Variants in MAD1L1 observed in about 807,000 individuals in gnomAD.
The protein encoded by MAD1L1 is mitotic spindle assembly checkpoint protein MAD1.
A neutral mutation model predicts 96.9 loss-of-function variants in MAD1L1; 95 were observed. The ratio of observed to expected loss-of-function variants is 0.98; its 90% CI spans 0.83 to 1.16. The LOEUF is 1.16. MAD1L1 is among the 50% of genes most tolerant of loss of function. MAD1L1 has a pLI of 0.00. For missense variants in MAD1L1, 1,007 were observed against 954.4 expected (o/e 1.06, Z -0.73); for synonymous variants, 473 against 396.6 (o/e 1.19, Z -2.29).
At chr7:2,161,958 C>G (rs558035112) in intron 10 of MAD1L1, among the ~76,000 whole-genome samples, 4 of 142,958 alleles carry the variant, frequency 2.8e-5, no homozygotes, top group Non-Finnish European at 4.7e-5. Flanking sequence ...CGGCCAGCCA[C>G]CCCGTCCGGG....
At chr7:1,893,047 TCCCCGC>T (rs1786646101) in intron 18 of MAD1L1, among the ~76,000 whole-genome samples, 1 of 152,116 alleles carries the variant, frequency 6.6e-6, no homozygotes, top group Non-Finnish European at 1.5e-5. Flanking sequence ...GAGCTGAGCC[TCCCCGC>T]TCCAGGCCCA....
intron 15 of MAD1L1, among the ~76,000 whole-genome samples, chr7:1,958,485 T>G (rs1583916574): frequency 6.6e-6 from 1 of 152,168 alleles, no homozygotes; most frequent in African/African-American, 2.4e-5. Context: ...GGACAGCTAT[T>G]CCAGCCTGAG....
chr7:2,166,576 G>A (rs1458190092), intron 10 of MAD1L1, among the ~76,000 whole-genome samples: 2 of 152,192 alleles, frequency 1.3e-5, no homozygotes, highest in African/African-American at 2.4e-5. Flanking sequence ...TGCTTTAAAC[G>A]TTCAAAAAGA....
intron 10 of MAD1L1, among the ~76,000 whole-genome samples, chr7:2,180,603 G>C (rs1791156740): frequency 6.6e-6 from 1 of 152,130 alleles, no homozygotes; most frequent in East Asian, 1.9e-4. Flanking sequence ...TGTTTCTGTA[G>C]CATCTGAAAC....
chr7:1,965,976 G>A (rs374280869), intron 15 of MAD1L1, among the ~76,000 whole-genome samples: 1 of 152,230 alleles, frequency 6.6e-6, no homozygotes, highest in East Asian at 1.9e-4. Flanking sequence ...CCCTGGGTCG[G>A]CCCATGCCTG....
intron 18 of MAD1L1, among the ~76,000 whole-genome samples, chr7:1,861,889 G>A (rs1784550202): frequency 6.7e-6 from 1 of 149,410 alleles, no homozygotes. Context: ...CTGGTTGGAG[G>A]GACACTGCTC....
intron 18 of MAD1L1, among the ~76,000 whole-genome samples, chr7:1,867,900 G>T (rs1266722325): frequency 6.6e-6 from 1 of 152,228 alleles, no homozygotes; most frequent in Non-Finnish European, 1.5e-5. Flanking sequence ...CCAGATGAGA[G>T]CCACATAATT....
intron 11 of MAD1L1, among the ~76,000 whole-genome samples, chr7:2,081,395 C>T (rs868122828): frequency 6.6e-6 from 1 of 152,234 alleles, no homozygotes; most frequent in Non-Finnish European, 1.5e-5. Flanking sequence ...ATCAGTCCCA[C>T]TCCACCAACA....
chr7:1,970,325 T>A (rs1562571227), intron 15 of MAD1L1, among the ~76,000 whole-genome samples: 1 of 150,194 alleles, frequency 6.7e-6, no homozygotes, highest in East Asian at 1.9e-4. Context: ...ATAATTTTAA[T>A]TTTTACTTTT....
intron 17 of MAD1L1, among the ~76,000 whole-genome samples, chr7:1,907,344 G>A (rs529094894): frequency 2.4e-4 from 36 of 152,376 alleles, no homozygotes; most frequent in African/African-American, 7.5e-4. Flanking sequence ...AGGGACTGGA[G>A]GCAGCTTCGG....
At chr7:2,130,440 G>A (rs1434663827) in intron 11 of MAD1L1, among the ~76,000 whole-genome samples, 1 of 152,206 alleles carries the variant, frequency 6.6e-6, no homozygotes, top group East Asian at 1.9e-4. Flanking sequence ...CAATTGAGAG[G>A]CCAGAGCTTA....
intron 10 of MAD1L1, among the ~76,000 whole-genome samples, chr7:2,199,626 C>T (rs188534872): frequency 8.5e-5 from 13 of 152,372 alleles, no homozygotes; most frequent in Admixed American, 7.8e-4. Flanking sequence ...CGCAGTGCCC[C>T]GCCTGGCACG....
chr7:1,898,261 T>A lies in MAD1L1; in HGVS notation c.1937A>T (p.Glu646Val). 6.2e-7 allele frequency: 1 copy of A among 1,614,090 alleles called. No homozygotes were observed. The highest frequency in any genetic ancestry group is 8.5e-7 in the Non-Finnish European group (1 of 1,180,008). ...CAGCGAGGTCAGCCGGTACTGGTTC[T>A]CCGTGGTGATGTCGATCTGGTAGCC... ...LTGYQIDITT[E>V]NQYRLTSLYA... Residue 646 changes from glutamate (E) to valine (V), a missense_variant, in exon 18 of 19, where the codon GAG becomes GTG. Transcript: ENST00000265854.
At chr7:2,052,693 CCA>C (rs139425730) in intron 12 of MAD1L1, among the ~76,000 whole-genome samples, 3 of 152,326 alleles carry the variant, frequency 2.0e-5, no homozygotes, top group Non-Finnish European at 2.9e-5. Context: ...TGTGCAAATT[CCA>C]CAGTTTTTAT....
chr7:1,960,714 G>C (rs188600271), intron 15 of MAD1L1, among the ~76,000 whole-genome samples: 36 of 152,296 alleles, frequency 2.4e-4, no homozygotes, highest in Admixed American at 2.1e-3. Flanking sequence ...TGAGACTTCA[G>C]TATCCCTCTC....
intron 18 of MAD1L1, among the ~76,000 whole-genome samples, chr7:1,832,075 A>G (rs1782729047): frequency 1.3e-5 from 2 of 152,204 alleles, no homozygotes; most frequent in Non-Finnish European, 2.9e-5. Flanking sequence ...TGCTTCCTCT[A>G]ATGAATCTGG....
intron 18 of MAD1L1, among the ~76,000 whole-genome samples, chr7:1,855,569 C>T (rs891616707): frequency 2.6e-5 from 4 of 152,100 alleles, no homozygotes; most frequent in Admixed American, 6.5e-5. Flanking sequence ...CCCAGCTCCA[C>T]CCGAGGCGGG....
At chr7:1,903,621 A>G (rs1362567304) in intron 17 of MAD1L1, among the ~76,000 whole-genome samples, 65 of 139,226 alleles carry the variant, frequency 4.7e-4, no homozygotes, top group African/African-American at 1.3e-3. Flanking sequence ...GCTCTTGCAG[A>G]ACTCATGATT....
chr7:1,832,982 C>T (rs551990708), intron 18 of MAD1L1, among the ~76,000 whole-genome samples: 1 of 152,104 alleles, frequency 6.6e-6, no homozygotes, highest in Non-Finnish European at 1.5e-5. Flanking sequence ...TCAGCAACCA[C>T]CACCCTGATC....
Sources: allele counts gnomAD v4.1 joint callset (sites outside exome capture counted in the v4.1 genomes callset), GRCh38; gene constraint gnomAD v4.1.1; transcripts MANE v1.5; gene names NCBI Gene and HGNC (gene_info 2026-07-23, HGNC 2026-07-21).